Variants in SRGAP2 observed in about 807,000 individuals in gnomAD.
SRGAP2 encodes SLIT-ROBO Rho GTPase activating protein 2.
SRGAP2 carries 15 observed loss-of-function variants against 57.2 expected under a neutral mutation model. The ratio of observed to expected loss-of-function variants is 0.26; its 90% CI spans 0.18 to 0.40. The LOEUF is 0.40. Ranked by LOEUF, SRGAP2 falls within the 10% of genes least tolerant of loss-of-function variation. SRGAP2 has a pLI of 1.00. For missense variants in SRGAP2, 520 were observed against 669.6 expected (o/e 0.78, Z 2.47); for synonymous variants, 249 against 248.0 (o/e 1.00, Z -0.04).
At position 206,454,164 on chromosome 1, in the gene SRGAP2, T is replaced by G. The variant is rs946316934; in HGVS notation, c.2361-714T>G. ...TAAAGGTTGATATCCTGAGTGAGTC[T>G]GCACCCTCCCAGCCTCTTCCCGGCT... On this transcript the variant is annotated intron_variant, in intron 20 of 22. Coordinates refer to ENST00000573034, the MANE Select transcript of SRGAP2 (RefSeq NM_015326.5). This position sits in a 1 kb window ranked among gnomAD's most constrained non-coding sequence, Gnocchi z 4.3. 21 of 702,592 alleles carry G rather than the reference T, an allele frequency of 3.0e-5. No homozygotes were observed. Among genetic ancestry groups the G allele is most frequent in the African/African-American group, 1.9e-4 (11 of 57,380 alleles). The allele number at this position is 702,592 out of a possible 1,614,324, so 43.5% of individuals were successfully genotyped here. A position where few individuals can be genotyped will look rare whatever the true frequency, so the allele number is the denominator to read the frequency against.
rs201002187 is a variant in SRGAP2, at chr1:206,331,280, T to G, written c.261-11566T>G. Among the ~76,000 whole-genome samples the G allele has an allele frequency of 2.2e-4, 7 of 31,538 alleles. No individual in the cohort carries two copies. The East Asian group carries it at 6.5e-3, about 29-fold the overall frequency. 20.7% of individuals were successfully genotyped at this position (31,538 alleles called of 152,430 possible). On this transcript the variant is annotated intron_variant, in intron 3 of 22. Transcript: ENST00000573034. The stretch of plus-strand genomic sequence containing the variant: ...GGTGTGGTGCTGAAAAAAATGTATA[T>G]TCTGTTGATTTGGGGTGGAGAGTTC...
chr1:206,459,413 C>T (rs549015173), intron 22 of SRGAP2, among the ~76,000 whole-genome samples: 4 of 152,234 alleles, frequency 2.6e-5, no homozygotes, highest in African/African-American at 9.6e-5. Context: ...AATTAAGAAC[C>T]TGCACCTGGT....
At chr1:206,386,580 G>T (rs576050046) in intron 5 of SRGAP2, among the ~76,000 whole-genome samples, 16 of 131,376 alleles carry the variant, frequency 1.2e-4, no homozygotes, top group African/African-American at 4.7e-4. Context: ...GGCAGATCAC[G>T]AGGTCAGGAG....
At chr1:206,313,859 C>A (rs1340382645) in intron 3 of SRGAP2, among the ~76,000 whole-genome samples, 6 of 151,220 alleles carry the variant, frequency 4.0e-5, no homozygotes, top group African/African-American at 1.5e-4. Context: ...TATATATCTT[C>A]TTACCATGTG....
chr1:206,336,443 C>CT (rs1674784684), intron 3 of SRGAP2, among the ~76,000 whole-genome samples: 3 of 103,384 alleles, frequency 2.9e-5, no homozygotes, highest in East Asian at 5.0e-4. Context: ...GCCTGCCCGT[C>CT]TGTCTTTGAA....
At chr1:206,393,518 A>G in intron 6 of SRGAP2, 27 bp from the exon 7 acceptor site, 1 of 770,008 alleles carries the variant, frequency 1.3e-6, no homozygotes, top group East Asian at 2.4e-5. Flanking sequence ...AAAAAAAGGT[A>G]AAAGTGAACT....
intron 11 of SRGAP2, among the ~76,000 whole-genome samples, chr1:206,417,780 ATTC>A (rs1181994977): frequency 6.6e-6 from 1 of 151,956 alleles, no homozygotes; most frequent in Non-Finnish European, 1.5e-5. Flanking sequence ...GATAATTTCT[ATTC>A]TTCTTCCTCA....
At chr1:206,451,233 C>T (rs926787949) in intron 19 of SRGAP2, among the ~76,000 whole-genome samples, 3 of 151,828 alleles carry the variant, frequency 2.0e-5, no homozygotes, top group African/African-American at 7.3e-5. Flanking sequence ...AAACCACATG[C>T]TTTCACGCCT....
At chr1:206,220,700 C>T (rs1666929414) in intron 2 of SRGAP2, among the ~76,000 whole-genome samples, 1 of 152,144 alleles carries the variant, frequency 6.6e-6, no homozygotes, top group Non-Finnish European at 1.5e-5. Context: ...GAATTGAACT[C>T]ATGTTTTTGC....
chr1:206,451,382 C>T (rs1663293321), intron 19 of SRGAP2, among the ~76,000 whole-genome samples: 1 of 152,104 alleles, frequency 6.6e-6, no homozygotes, highest in Non-Finnish European at 1.5e-5. Context: ...GAGGGTCTGT[C>T]CAGCCAGCAC....
chr1:206,333,490 C>T (rs1189754207), intron 3 of SRGAP2: 15 of 1,468,462 alleles, frequency 1.0e-5, no homozygotes, highest in Admixed American at 3.4e-5. Context: ...GTCTCTGGTG[C>T]GGGCGGCGCG....
At chr1:206,391,026 C>T (rs181596527) in intron 5 of SRGAP2, among the ~76,000 whole-genome samples, 10 of 152,214 alleles carry the variant, frequency 6.6e-5, no homozygotes, top group Admixed American at 6.5e-5. Context: ...ATTTTCTCAG[C>T]GTCAGCACCA....
Position 206,342,878 on chromosome 1 carries a change from G to A in SRGAP2, c.293G>A (p.Cys98Tyr), listed in dbSNP as rs1553335655. ...KDQNVLSPVNCWNLLLNQVKR... is the reference protein window; with the variant it reads ...KDQNVLSPVNYWNLLLNQVKR... ...CAGAATGTTCTCTCTCCAGTCAACT[G>A]CTGGAATCTCCTCTTAAACCAGGTG... The change falls in exon 4 of 23, where the codon TGC becomes TAC. Residue 98 changes from cysteine to tyrosine, a missense_variant. Coordinates refer to ENST00000573034, the MANE Select transcript of SRGAP2 (RefSeq NM_015326.5). The A allele has an allele frequency of 1.3e-6, 1 of 741,560 alleles. No individual in the cohort carries two copies. The highest frequency in any genetic ancestry group is 2.4e-4 in the Middle Eastern group (1 of 4,176). The allele number at this position is 741,560 out of a possible 1,614,324, so 45.9% of individuals were successfully genotyped here.
intron 2 of SRGAP2, among the ~76,000 whole-genome samples, chr1:206,228,688 T>A (rs1320719975): frequency 1.7e-4 from 26 of 151,702 alleles, no homozygotes; most frequent in Non-Finnish European, 1.5e-4. Context: ...TTGGAGGTCC[T>A]TCTCATAGAT....
chr1:206,385,392 C>T (rs372863444), intron 5 of SRGAP2, among the ~76,000 whole-genome samples: 5 of 147,538 alleles, frequency 3.4e-5, no homozygotes, highest in East Asian at 2.0e-4. Context: ...AATTTCTAAG[C>T]GCCAAGAAGA....
chr1:206,363,408 CA>C (rs1677052992), intron 4 of SRGAP2, among the ~76,000 whole-genome samples: 2 of 151,856 alleles, frequency 1.3e-5, no homozygotes, highest in South Asian at 4.2e-4. Flanking sequence ...CCCATCTTTC[CA>C]ATATTTGGGG....
At position 206,453,358 on chromosome 1, in the gene SRGAP2, C is replaced by G. The variant is rs1663506628; in HGVS notation, c.2338C>G (p.Gln780Glu). 1 of 727,618 alleles carries G rather than the reference C, an allele frequency of 1.4e-6. No individual in the cohort carries two copies. The highest frequency in any genetic ancestry group is 1.8e-5 in the African/African-American group (1 of 56,508). The allele number at this position is 727,618 out of a possible 1,614,324, so 45.1% of individuals were successfully genotyped here. Residue 780 changes from glutamine to glutamate, a missense_variant, in exon 20 of 23, where the codon CAG (glutamine) becomes GAG (glutamate). Gln to Glu is a conservative substitution (Grantham distance 29). Around this residue, in one of 5 missense-constraint regions of SRGAP2, gnomAD observed 478 missense variants for 373.6 expected, o/e 1.28. Transcript: ENST00000573034. Reference protein sequence around the residue: ...HNGIDGLIPHQYIVVQDTEDG... With the variant: ...HNGIDGLIPHEYIVVQDTEDG... ...TGGCATCGACGGACTCATCCCCCAT[C>G]AGTACATCGTGGTCCAAGACACGTA...
At chr1:206,424,090 G>C (rs1295750916) in intron 13 of SRGAP2, among the ~76,000 whole-genome samples, 1 of 151,374 alleles carries the variant, frequency 6.6e-6, no homozygotes, top group Non-Finnish European at 1.5e-5. Context: ...ACCACGCCCG[G>C]CCCTTTCTGA....
At chr1:206,332,410 A>G (rs1297813262) in intron 3 of SRGAP2, among the ~76,000 whole-genome samples, 2 of 148,750 alleles carry the variant, frequency 1.3e-5, no homozygotes. Context: ...GTGTTTTCCA[A>G]CTTGGTTCCA....
Sources: allele counts gnomAD v4.1 joint callset (sites outside exome capture counted in the v4.1 genomes callset), GRCh38; gene constraint gnomAD v4.1.1; regional missense constraint gnomAD v4.1.1; non-coding constraint Gnocchi (gnomAD v3.1); transcripts MANE v1.5; gene names NCBI Gene and HGNC (gene_info 2026-07-23, HGNC 2026-07-21).